Variants in ATF6B observed in about 807,000 individuals in gnomAD.
ATF6B encodes cyclic AMP-dependent transcription factor ATF-6 beta.
Under a neutral mutation model 83.5 loss-of-function variants are expected in ATF6B, and 50 were observed. The ratio of observed to expected loss-of-function variants is 0.60; its 90% CI spans 0.48 to 0.76. The LOEUF is 0.76. Ranked by LOEUF, ATF6B falls within the 30% of genes least tolerant of loss-of-function variation. The pLI, the probability that ATF6B is intolerant of heterozygous loss-of-function variation, is 0.00. For synonymous variants in ATF6B, 344 were observed against 362.8 expected (o/e 0.95, Z 0.59); for missense variants, 790 against 893.8 (o/e 0.88, Z 1.48).
rs772478579 is a variant in ATF6B, at chr6:32,119,123, G to A, written c.985C>T (p.Gln329Ter). ...PEVDAKLLKR[Q>*]QRMIKNRESA... is the part of the protein sequence containing the mutation. ...TCCCGGTTCTTGATCATTCGCTGCT[G>A]CCGCTTCAGCAGCTTTGCCTAGGCA... Residue 329 changes from glutamine (Q) to a stop codon, truncating the protein, a stop_gained, in exon 10 of 18, where the codon CAG becomes TAG. Coordinates refer to ENST00000375203, the MANE Select transcript of ATF6B (RefSeq NM_004381.5). LOFTEE classifies it high-confidence loss of function. The surrounding 1 kb of genome is among the most constrained non-coding windows in gnomAD (Gnocchi z 4.9). The A allele has an allele frequency of 6.2e-7, 1 of 1,611,314 alleles. No individual in the cohort carries two copies. The highest frequency in any genetic ancestry group is 8.5e-7 in the Non-Finnish European group (1 of 1,179,508).
chr6:32,127,601 G>C, intron 2 of ATF6B, 70 bp downstream of exon 2: 1 of 1,611,016 alleles, frequency 6.2e-7, no homozygotes, highest in Non-Finnish European at 8.5e-7. Context: ...GTTATGGCCT[G>C]TGAATGGGTC....
At chr6:32,126,770 G>A (rs1407306480) in intron 4 of ATF6B, among the ~76,000 whole-genome samples, 1 of 152,090 alleles carries the variant, frequency 6.6e-6, no homozygotes, top group African/African-American at 2.4e-5. Context: ...TGAGGCAGGA[G>A]GATCACCTGA....
At chr6:32,123,339 T>C (rs1562910726) in intron 5 of ATF6B, among the ~76,000 whole-genome samples, 2 of 151,128 alleles carry the variant, frequency 1.3e-5, no homozygotes, top group Non-Finnish European at 2.9e-5. Flanking sequence ...GAGGGTAAAG[T>C]ACAGGCCCTC....
At position 32,115,514 on chromosome 6, in the gene ATF6B, AAAG is replaced by A; in HGVS notation, c.*222_*224del. On this transcript the variant is annotated 3_prime_UTR_variant, in exon 18 of 18. Coordinates refer to ENST00000375203, the MANE Select transcript of ATF6B (RefSeq NM_004381.5). ...TGAACCTCACACAATCCCCTCAAAC[AAAG>A]AAGCCAGGACTGGGGGTTCACAGGA... 1 of 440,740 alleles carries A rather than the reference AAAG, an allele frequency of 2.3e-6. No homozygotes were observed. Among genetic ancestry groups the A allele is most frequent in the Non-Finnish European group, 4.0e-6 (1 of 251,982 alleles). 27.3% of individuals were successfully genotyped at this position (440,740 alleles called of 1,614,324 possible).
Position 32,118,452 on chromosome 6 carries a change from C to T in ATF6B, c.1244+323G>A, listed in dbSNP as rs1033666720. 2.0e-5 allele frequency among the ~76,000 whole-genome samples: 3 copies of T among 152,106 alleles called. No individual in the cohort carries two copies. The highest frequency in any genetic ancestry group is 4.4e-5 in the Non-Finnish European group (3 of 68,018). On this transcript the variant is annotated intron_variant, in intron 11 of 17. Coordinates refer to ENST00000375203, the MANE Select transcript of ATF6B (RefSeq NM_004381.5). The surrounding 1 kb of genome is among the most constrained non-coding windows in gnomAD (Gnocchi z 5.2). ...CTACTAAAAAATACAAAAAATTAGC[C>T]GGGCATGGTGGCGTGCGCCTGTAGT... is the stretch of plus-strand genomic sequence containing the variant.
Position 32,116,654 on chromosome 6 carries a change from G to A in ATF6B, c.1797+50C>T. 3 of 1,606,894 alleles carry A rather than the reference G, an allele frequency of 1.9e-6. No homozygotes were observed. Among genetic ancestry groups the A allele is most frequent in the Non-Finnish European group, 2.6e-6 (3 of 1,173,530 alleles). On this transcript the variant is annotated intron_variant, in intron 16 of 17. Coordinates refer to ENST00000375203, the MANE Select transcript of ATF6B (RefSeq NM_004381.5). The surrounding 1 kb of genome is among the most constrained non-coding windows in gnomAD (Gnocchi z 5.1). ...ACTCTACATCCCCCCACTGAAGACA[G>A]ACTGCTGGGAACCTGGGGTGACAGA...
chr6:32,117,372 C>T lies in ATF6B; in HGVS notation c.1565G>A (p.Arg522His), dbSNP rs1328158861. The T allele has an allele frequency of 2.5e-6, 4 of 1,614,118 alleles. No individual in the cohort carries two copies. The highest frequency in any genetic ancestry group is 1.1e-5 in the South Asian group (1 of 91,084). ...LADELSGWVQ[R>H]HQRGRRKIPQ... ...GATCTTCCTCCGGCCTCTCTGGTGG[C>T]GCTGGACCCAGCCACTCAACTCGTC... Residue 522 changes from arginine (R) to histidine (H), a missense_variant, in exon 14 of 18, where the codon CGC (arginine) becomes CAC (histidine). Arg to His is a conservative substitution (Grantham distance 29). Coordinates refer to ENST00000375203, the MANE Select transcript of ATF6B (RefSeq NM_004381.5). This position sits in a 1 kb window ranked among gnomAD's most constrained non-coding sequence, Gnocchi z 5.0.
In ATF6B at chr6:32,115,845, T is replaced by G; in HGVS notation, c.2006A>C (p.Gln669Pro). 2 of 1,614,172 alleles carry G rather than the reference T, an allele frequency of 1.2e-6. No homozygotes were observed. Among genetic ancestry groups the G allele is most frequent in the Non-Finnish European group, 1.7e-6 (2 of 1,180,020 alleles). Residue 669 changes from glutamine to proline, a missense_variant, in exon 18 of 18, where the codon CAG becomes CCG. By Grantham distance (76) the Gln-to-Pro change is moderately conservative. This residue lies in a region of ATF6B where 530 missense variants were observed against 632.6 expected (regional missense o/e 0.84). Coordinates refer to ENST00000375203, the MANE Select transcript of ATF6B (RefSeq NM_004381.5). ...TSTVPPSLRK[Q>P]PSPTPGNATG... ...GGCATTGCCTGGGGTTGGGGATGGC[T>G]GTTTTCGGAGCGAGGGGGGCACTGT...
intron 5 of ATF6B, 70 bp from the exon 6 acceptor site, chr6:32,121,418 G>T (rs1781764101): frequency 1.4e-6 from 2 of 1,469,064 alleles, no homozygotes; most frequent in South Asian, 2.3e-5. Flanking sequence ...GGTTAAGATG[G>T]GAGGCTGGGC....
In ATF6B at chr6:32,119,836, C is replaced by A. The variant is rs144533651; in HGVS notation, c.954G>T (p.Pro318=). 23 of 1,613,828 alleles carry A rather than the reference C, an allele frequency of 1.4e-5. No homozygotes were observed. Among genetic ancestry groups the A allele is most frequent in the Non-Finnish European group, 1.9e-5 (22 of 1,179,932 alleles). The change falls in exon 9 of 18, where the codon CCG becomes CCT. Residue 318 remains proline, a synonymous_variant. Coordinates refer to ENST00000375203, the MANE Select transcript of ATF6B (RefSeq NM_004381.5). This position sits in a 1 kb window ranked among gnomAD's most constrained non-coding sequence, Gnocchi z 4.9. ...CCCCAACACTTACATCCACTTCAGG[C>A]GGGCAGGAGTTTCCAGGCATAGGAG... ...VPAPMPGNSC[P]PEVDAKLLKR... is the part of the protein sequence containing the mutation.
intron 5 of ATF6B, among the ~76,000 whole-genome samples, chr6:32,123,263 T>C (rs1006828740): frequency 2.0e-5 from 3 of 149,034 alleles, no homozygotes; most frequent in African/African-American, 7.4e-5. Flanking sequence ...AGGGAACTAT[T>C]TAACCATGAT....
intron 5 of ATF6B, among the ~76,000 whole-genome samples, chr6:32,124,997 T>C (rs532129115): frequency 2.0e-5 from 3 of 151,994 alleles, no homozygotes; most frequent in South Asian, 4.2e-4. Context: ...ACAGGCTAAT[T>C]TTTTGTATTT....
rs1371485642 is a variant in ATF6B at position 32,118,241 on chromosome 6, TTAA to T, written c.1245-206_1245-204del. On this transcript the variant is annotated intron_variant, in intron 11 of 17. Coordinates refer to ENST00000375203, the MANE Select transcript of ATF6B (RefSeq NM_004381.5). This position sits in a 1 kb window ranked among gnomAD's most constrained non-coding sequence, Gnocchi z 5.2. Reference sequence around the variant, plus strand: ...CTAGAGCCTAGAACTCAGTAAGCACTTAATAGTCACTATTTCTACCAGCATTAT... The same window carrying T: ...CTAGAGCCTAGAACTCAGTAAGCACTTAGTCACTATTTCTACCAGCATTAT... 6.6e-6 allele frequency among the ~76,000 whole-genome samples: 1 copy of T among 152,196 alleles called. No individual in the cohort carries two copies. Among genetic ancestry groups the T allele is most frequent in the African/African-American group, 2.4e-5 (1 of 41,442 alleles).
rs1781537824 is a variant in ATF6B, at chr6:32,116,581, C to T, written c.1798-17G>A. 2 of 1,596,848 alleles carry T rather than the reference C, an allele frequency of 1.3e-6. No homozygotes were observed. The highest frequency in any genetic ancestry group is 1.7e-6 in the Non-Finnish European group (2 of 1,169,886). On this transcript the variant is annotated splice_polypyrimidine_tract_variant and intron_variant, in intron 16 of 17. Transcript: ENST00000375203. This position sits in a 1 kb window ranked among gnomAD's most constrained non-coding sequence, Gnocchi z 5.1. Reference sequence around the variant, plus strand: ...CAGGTGGTCCTGGGGAACAGATGGGCCAGGCCAGAAGGGTGGAGGCAAAGA... The same window carrying T: ...CAGGTGGTCCTGGGGAACAGATGGGTCAGGCCAGAAGGGTGGAGGCAAAGA...
intron 4 of ATF6B, 61 bp downstream of exon 4, chr6:32,127,042 G>A (rs1231724854): frequency 1.5e-6 from 2 of 1,351,334 alleles, no homozygotes; most frequent in Admixed American, 2.7e-5. Context: ...TGTCACCCAC[G>A]GGTGAAGGGA....
At chr6:32,127,828 C>G in intron 1 of ATF6B, 78 bp from the exon 2 acceptor site, 1 of 1,490,038 alleles carries the variant, frequency 6.7e-7, no homozygotes, top group Non-Finnish European at 9.3e-7. Flanking sequence ...CGCCCCATCC[C>G]TCATTGGCTC....
chr6:32,128,098 C>G lies in ATF6B; in HGVS notation c.91+19G>C. The stretch of plus-strand genomic sequence containing the variant: ...CAGGGACAGTTTGCCACAGCCCTCT[C>G]CCCTCCCCGGTGCCTCACTCTGCAG... On this transcript the variant is annotated intron_variant, in intron 1 of 17. Transcript: ENST00000375203. The G allele has an allele frequency of 6.2e-7, 1 of 1,612,474 alleles. No homozygotes were observed. The highest frequency in any genetic ancestry group is 8.5e-7 in the Non-Finnish European group (1 of 1,179,820).
rs1018158181 is a variant in ATF6B at position 32,115,323 on chromosome 6, T to C, written c.*416A>G. 3.5e-5 allele frequency: 6 copies of C among 170,504 alleles called. No homozygotes were observed. The highest frequency in any genetic ancestry group is 7.4e-5 in the Non-Finnish European group (6 of 81,142). The allele number at this position is 170,504 out of a possible 1,614,324, so 10.6% of individuals were successfully genotyped here. On this transcript the variant is annotated 3_prime_UTR_variant, in exon 18 of 18. Coordinates refer to ENST00000375203, the MANE Select transcript of ATF6B (RefSeq NM_004381.5). ...ATAATAAAAAAGAAATGCACACACA[T>C]AAACCTGAACTCCCCCCCACCCCAC... is the stretch of plus-strand genomic sequence containing the variant.
Position 32,121,086 on chromosome 6 carries a change from C to A in ATF6B, c.603G>T (p.Glu201Asp). 1 of 1,570,278 alleles carries A rather than the reference C, an allele frequency of 6.4e-7. No individual in the cohort carries two copies. Among genetic ancestry groups the A allele is most frequent in the Non-Finnish European group, 8.6e-7 (1 of 1,159,916 alleles). Residue 201 changes from glutamate to aspartate, a missense_variant, in exon 7 of 18, where the codon GAG (glutamate) becomes GAT (aspartate). This residue lies in a region of ATF6B where 7 missense variants were observed against 18.1 expected (regional missense o/e 0.39). Transcript: ENST00000375203. ...GGAGGCATCCTGAAGGGGACAGGGA[C>A]TCTGTCTTCACTTCCAGGACCTCCT... ...IGEEVLEVKTESLSPSGCLLW... is the reference protein window; with the variant it reads ...IGEEVLEVKTDSLSPSGCLLW...
Sources: gnomAD v4.1 joint callset for allele counts (sites outside exome capture counted in the v4.1 genomes callset) on GRCh38, gnomAD v4.1.1 for gene constraint, gnomAD v4.1.1 regional missense constraint, Gnocchi (gnomAD v3.1) non-coding constraint, MANE v1.5 for transcripts, NCBI Gene and HGNC (gene_info 2026-07-23, HGNC 2026-07-21) for gene names.